FAM178B: variants seen among roughly 807,000 people sequenced by gnomAD.
The protein encoded by FAM178B is protein FAM178B.
FAM178B carries 82 observed loss-of-function variants against 91.7 expected under a neutral mutation model. The observed-to-expected ratio is 0.89, with a 90% confidence interval of 0.75 to 1.07. The LOEUF is 1.07. FAM178B is among the 50% of genes least tolerant of loss of function. FAM178B has a pLI of 0.00. For missense variants in FAM178B, 769 were observed against 846.7 expected (o/e 0.91, Z 1.14); for synonymous variants, 368 against 359.4 (o/e 1.02, Z -0.27).
At chr2:96,979,789 C>T (rs1342209637) in intron 1 of FAM178B, among the ~76,000 whole-genome samples, 2 of 152,194 alleles carry the variant, frequency 1.3e-5, no homozygotes, top group Non-Finnish European at 2.9e-5. Context: ...TCCTCACCAA[C>T]ATTTGCTATT....
intron 12 of FAM178B, among the ~76,000 whole-genome samples, chr2:96,910,111 G>A (rs549617763): frequency 2.0e-5 from 3 of 152,320 alleles, no homozygotes; most frequent in African/African-American, 7.2e-5. Flanking sequence ...CTGTGGAAAA[G>A]TGAGGCTTGC....
At chr2:96,923,231 C>T (rs1167742525) in intron 10 of FAM178B, among the ~76,000 whole-genome samples, 5 of 152,142 alleles carry the variant, frequency 3.3e-5, no homozygotes, top group African/African-American at 9.7e-5. Flanking sequence ...CCTCAGCCTC[C>T]CAAAGCGCTG....
chr2:96,972,457 A>G, intron 2 of FAM178B, 81 bp downstream of exon 2: 1 of 1,514,082 alleles, frequency 6.6e-7, no homozygotes, highest in Non-Finnish European at 8.9e-7. Context: ...TGCAAGGGAA[A>G]TCCTTCAGCC....
At chr2:96,955,218 T>G (rs1286108275) in intron 6 of FAM178B, among the ~76,000 whole-genome samples, 1 of 151,386 alleles carries the variant, frequency 6.6e-6, no homozygotes, top group Non-Finnish European at 1.5e-5. Context: ...ATACAAAAAT[T>G]AGCCATGCGA....
chr2:96,949,614 A>G (rs1326977256), intron 7 of FAM178B, among the ~76,000 whole-genome samples: 1 of 152,126 alleles, frequency 6.6e-6, no homozygotes, highest in African/African-American at 2.4e-5. Flanking sequence ...TCTGCCTCCC[A>G]CAACCACAGT....
intron 16 of FAM178B, chr2:96,877,689 C>T (rs2080278997): frequency 1.7e-6 from 1 of 598,384 alleles, no homozygotes; most frequent in Middle Eastern, 4.4e-4. Context: ...GCTACCACGC[C>T]CAGCCTTTGG....
In FAM178B at chr2:96,936,452, T is replaced by C. The variant is rs373076091; in HGVS notation, c.1079-7132A>G. 7.2e-4 allele frequency among the ~76,000 whole-genome samples: 108 copies of C among 150,266 alleles called. 1 individual carries two copies. The highest frequency in any genetic ancestry group is 3.2e-3 in the South Asian group (15 of 4,750). ...TCCCGACCTTGTGATCTGCCCGCCTTGGCCTCCCAAAGTGCTGGATTACAG... is the reference window on the plus strand; with the variant it reads ...TCCCGACCTTGTGATCTGCCCGCCTCGGCCTCCCAAAGTGCTGGATTACAG... On this transcript the variant is annotated intron_variant, in intron 8 of 16. Coordinates refer to ENST00000490605, the MANE Select transcript of FAM178B (RefSeq NM_001122646.3).
At chr2:96,949,404 C>T (rs1334337084) in intron 7 of FAM178B, among the ~76,000 whole-genome samples, 1 of 152,186 alleles carries the variant, frequency 6.6e-6, no homozygotes, top group Non-Finnish European at 1.5e-5. Context: ...ACCAGATTCT[C>T]CTTCCTGAGG....
intron 5 of FAM178B, among the ~76,000 whole-genome samples, chr2:96,961,312 G>GGTGTGTGT (rs70964889): frequency 0.025 from 3,740 of 146,800 alleles, 135 homozygotes; most frequent in African/African-American, 0.086. Flanking sequence ...AGCAGCAGAG[G>GGTGTGTGT]GTGTGTGTGT....
chr2:96,933,969 G>A (rs1478045815), intron 8 of FAM178B, among the ~76,000 whole-genome samples: 4 of 152,160 alleles, frequency 2.6e-5, no homozygotes, highest in South Asian at 2.1e-4. Flanking sequence ...TTATCTTCCC[G>A]CAGCACTTTT....
chr2:96,942,237 G>A (rs921881888), intron 8 of FAM178B, among the ~76,000 whole-genome samples: 1 of 152,184 alleles, frequency 6.6e-6, no homozygotes, highest in Non-Finnish European at 1.5e-5. Context: ...GACATCCCAT[G>A]TTCATGGATT....
At chr2:96,897,886 G>T in intron 13 of FAM178B, 3 of 891,880 alleles carry the variant, frequency 3.4e-6, no homozygotes, top group Non-Finnish European at 4.0e-6. Context: ...GTAGCCTTGA[G>T]GCTCTGGCTA....
At chr2:96,960,264 CT>C in intron 6 of FAM178B, 23 bp downstream of exon 6, 2 of 1,550,980 alleles carry the variant, frequency 1.3e-6, no homozygotes, top group Non-Finnish European at 1.7e-6. Flanking sequence ...GCGCCACCCC[CT>C]CACCCCTCCT....
chr2:96,909,369 C>A (rs1303922636), intron 12 of FAM178B, among the ~76,000 whole-genome samples: 1 of 152,170 alleles, frequency 6.6e-6, no homozygotes, highest in Non-Finnish European at 1.5e-5. Flanking sequence ...GGGACTTCCA[C>A]TCAAAGCTTC....
At chr2:96,951,290 G>A (rs2081923051) in intron 7 of FAM178B, 89 bp downstream of exon 7, 2 of 914,986 alleles carry the variant, frequency 2.2e-6, no homozygotes, top group Non-Finnish European at 3.5e-6. Flanking sequence ...GGCAAGAAGA[G>A]GTGAAGTGCC....
intron 8 of FAM178B, among the ~76,000 whole-genome samples, chr2:96,947,202 G>T (rs1016772709): frequency 1.3e-5 from 2 of 152,168 alleles, no homozygotes; most frequent in Non-Finnish European, 2.9e-5. Context: ...CAGCCACTAG[G>T]GGGGGAAATT....
rs903782068 is a variant in FAM178B, at chr2:96,929,062, G to T, written c.1193+144C>A. The T allele has an allele frequency of 1.2e-5, 8 of 640,234 alleles. No individual in the cohort carries two copies. The South Asian group carries it at 1.3e-4, about 10-fold the overall frequency. The allele number at this position is 640,234 out of a possible 1,614,324, so 39.7% of individuals were successfully genotyped here. A position where few individuals can be genotyped will look rare whatever the true frequency, so the allele number is the denominator to read the frequency against. ...AGTCCCAGCTACTCAGGAGGCTGAG[G>T]TGGGAGGATCACTTGAGCCTGGGAG... On this transcript the variant is annotated intron_variant, in intron 9 of 16. Coordinates refer to ENST00000490605, the MANE Select transcript of FAM178B (RefSeq NM_001122646.3).
intron 6 of FAM178B, among the ~76,000 whole-genome samples, chr2:96,958,909 T>A (rs2082041299): frequency 6.6e-6 from 1 of 151,732 alleles, no homozygotes. Flanking sequence ...CTTAAAAGTA[T>A]TCCTGAGGTG....
chr2:96,929,932 G>A (rs750823984), intron 8 of FAM178B, among the ~76,000 whole-genome samples: 5 of 152,058 alleles, frequency 3.3e-5, no homozygotes, highest in African/African-American at 4.8e-5. Context: ...TGACCACATC[G>A]GCCGGGCACA....
Sources: gnomAD v4.1 joint callset for allele counts (sites outside exome capture counted in the v4.1 genomes callset) on GRCh38, gnomAD v4.1.1 for gene constraint, MANE v1.5 for transcripts, NCBI Gene and HGNC (gene_info 2026-07-23, HGNC 2026-07-21) for gene names.